The following ABCD3 variants were observed in gnomAD, a reference collection of about 807,000 sequenced individuals.
The protein encoded by ABCD3 is ATP binding cassette subfamily D member 3, also known as ATP-binding cassette sub-family D member 3.
A neutral mutation model predicts 105.5 loss-of-function variants in ABCD3; 41 were observed. The observed-to-expected ratio is 0.39, with a 90% CI of 0.30 to 0.50. The LOEUF is 0.50. ABCD3 is among the 20% of genes least tolerant of loss of function. ABCD3 has a pLI of 0.84. For missense variants in ABCD3, 622 were observed against 806.3 expected (o/e 0.77, Z 2.77); for synonymous variants, 258 against 269.0 (o/e 0.96, Z 0.40).
chr1:94,453,924 T>A (rs1570764709), intron 1 of ABCD3, among the ~76,000 whole-genome samples: 1 of 149,430 alleles, frequency 6.7e-6, no homozygotes, highest in East Asian at 1.9e-4. Context: ...TTTGGTTGGA[T>A]GCTTGTATTA....
intron 19 of ABCD3, 144 bp from the exon 20 acceptor site, chr1:94,499,351 C>T (rs538187670): frequency 8.2e-6 from 8 of 978,986 alleles, no homozygotes; most frequent in East Asian, 7.9e-5. Context: ...TCAGGGCTAC[C>T]TTGTGCCACA....
At chr1:94,494,053 C>G (rs1557686076) in intron 16 of ABCD3, among the ~76,000 whole-genome samples, 2 of 151,852 alleles carry the variant, frequency 1.3e-5, no homozygotes, top group Admixed American at 6.6e-5. Flanking sequence ...ATGTAACTAA[C>G]CTGCACATTG....
At chr1:94,439,900 C>T (rs1228311379) in intron 1 of ABCD3, among the ~76,000 whole-genome samples, 5 of 152,144 alleles carry the variant, frequency 3.3e-5, no homozygotes, top group African/African-American at 9.7e-5. Context: ...CTGTGTTCCC[C>T]AGGTTGGAAT....
intron 4 of ABCD3, among the ~76,000 whole-genome samples, chr1:94,469,543 T>C (rs1397775666): frequency 6.6e-6 from 1 of 151,262 alleles, no homozygotes; most frequent in Admixed American, 6.6e-5. Flanking sequence ...TTTGAGCTTT[T>C]TGACAATACT....
intron 1 of ABCD3, among the ~76,000 whole-genome samples, chr1:94,448,625 C>G (rs1454789273): frequency 6.6e-6 from 1 of 152,210 alleles, no homozygotes; most frequent in Non-Finnish European, 1.5e-5. Flanking sequence ...GTGGTTCATT[C>G]CACACAAATA....
rs189255182 is a variant in ABCD3, at chr1:94,460,207, G to A, written c.147+1564G>A. On this transcript the variant is annotated intron_variant, in intron 2 of 22. Transcript: ENST00000370214. ...CATTAATTTATTGCGGTAAATGTCA[G>A]CTTATTGGGTTTAACCTACTATCTA... Among the ~76,000 whole-genome samples, 417 of 152,232 alleles carry A rather than the reference G, an allele frequency of 2.7e-3. 4 individuals are homozygous for A. The highest frequency in any genetic ancestry group is 4.7e-3 in the Non-Finnish European group (319 of 67,994).
intron 16 of ABCD3, among the ~76,000 whole-genome samples, chr1:94,492,749 C>A (rs1649594449): frequency 6.6e-6 from 1 of 152,016 alleles, no homozygotes; most frequent in South Asian, 2.1e-4. Context: ...TGTCTTTATG[C>A]AGAAATAAAA....
intron 1 of ABCD3, among the ~76,000 whole-genome samples, chr1:94,439,225 A>G (rs1180573282): frequency 6.6e-6 from 1 of 152,104 alleles, no homozygotes; most frequent in Non-Finnish European, 1.5e-5. Flanking sequence ...TATCTTAAAT[A>G]TGTTACTCTA....
intron 21 of ABCD3, among the ~76,000 whole-genome samples, chr1:94,511,570 A>C (rs888839055): frequency 3.3e-5 from 5 of 152,116 alleles, no homozygotes; most frequent in Non-Finnish European, 7.4e-5. Flanking sequence ...TCTCCTGGAT[A>C]ATATCCTGCA....
chr1:94,505,979 T>C (rs576896456), intron 20 of ABCD3, among the ~76,000 whole-genome samples: 1 of 152,298 alleles, frequency 6.6e-6, no homozygotes, highest in African/African-American at 2.4e-5. Context: ...TGTTCATCAT[T>C]CCTGATAGTC....
At chr1:94,471,199 G>A (rs1360098033) in intron 4 of ABCD3, among the ~76,000 whole-genome samples, 1 of 152,012 alleles carries the variant, frequency 6.6e-6, no homozygotes, top group Non-Finnish European at 1.5e-5. Context: ...TTTTTTGTAT[G>A]AGTTTCTGAA....
rs992292555 is a variant in ABCD3, at chr1:94,515,310, T to C, written c.1902+108T>C. ...TATGGTTTGTATTCCCTTAAACATA[T>C]GTCTTAAGGAGAAAAGGTGGTTTTG... On this transcript the variant is annotated intron_variant, in intron 22 of 22. Coordinates refer to ENST00000370214, the MANE Select transcript of ABCD3 (RefSeq NM_002858.4). 1.9e-5 allele frequency: 17 copies of C among 883,154 alleles called. 1 individual carries two copies. The highest frequency in any genetic ancestry group is 1.3e-4 in the East Asian group (5 of 38,996). 54.7% of individuals were successfully genotyped at this position (883,154 alleles called of 1,614,324 possible).
chr1:94,423,650 A>G (rs1659353881), intron 1 of ABCD3, among the ~76,000 whole-genome samples: 1 of 152,216 alleles, frequency 6.6e-6, no homozygotes, highest in African/African-American at 2.4e-5. Context: ...ATATCCCAGC[A>G]TAGTGAACAG....
intron 1 of ABCD3, among the ~76,000 whole-genome samples, chr1:94,457,368 T>C (rs989610054): frequency 6.6e-6 from 1 of 152,208 alleles, no homozygotes; most frequent in African/African-American, 2.4e-5. Flanking sequence ...TAGTTAAGTT[T>C]GGCTTTTTAG....
intron 1 of ABCD3, among the ~76,000 whole-genome samples, chr1:94,429,313 AAAG>A (rs1230508252): frequency 2.6e-5 from 4 of 152,216 alleles, no homozygotes; most frequent in African/African-American, 9.7e-5. Context: ...ATACCACAGA[AAAG>A]AAAAACCCAT....
chr1:94,420,701 A>C (rs1371726146), intron 1 of ABCD3, among the ~76,000 whole-genome samples: 1 of 152,212 alleles, frequency 6.6e-6, no homozygotes, highest in African/African-American at 2.4e-5. Flanking sequence ...TTGTACTTCC[A>C]GAAGCTTACA....
intron 1 of ABCD3, among the ~76,000 whole-genome samples, chr1:94,430,607 C>T (rs1431309873): frequency 1.3e-5 from 2 of 152,154 alleles, no homozygotes; most frequent in African/African-American, 4.8e-5. Flanking sequence ...TGACTTACTC[C>T]TCCTTGCCTT....
chr1:94,424,698 A>G lies in ABCD3; in HGVS notation c.110+6110A>G, dbSNP rs541877602. Among the ~76,000 whole-genome samples, 33 of 152,284 alleles carry G rather than the reference A, an allele frequency of 2.2e-4. No individual in the cohort carries two copies. In the East Asian group the frequency reaches 5.4e-3, roughly 25 times the overall value. Reference sequence around the variant, plus strand: ...TCCCAAAGTGCTGGGATTACAGGCAAGAGCCACTGTGCCTGGCCCCTGCCA... The same window carrying G: ...TCCCAAAGTGCTGGGATTACAGGCAGGAGCCACTGTGCCTGGCCCCTGCCA... On this transcript the variant is annotated intron_variant, in intron 1 of 22. Transcript: ENST00000370214.
chr1:94,474,309 A>G (rs1019458372), intron 5 of ABCD3, among the ~76,000 whole-genome samples: 2 of 152,012 alleles, frequency 1.3e-5, no homozygotes, highest in Non-Finnish European at 2.9e-5. Context: ...CTATTACAGT[A>G]ACTTGAACTA....
Sources: allele counts gnomAD v4.1 joint callset (sites outside exome capture counted in the v4.1 genomes callset), GRCh38; gene constraint gnomAD v4.1.1; transcripts MANE v1.5; gene names NCBI Gene and HGNC (gene_info 2026-07-23, HGNC 2026-07-21).